Variants in DMD observed in about 807,000 individuals in gnomAD.
The protein encoded by DMD is dystrophin.
DMD carries 63 observed loss-of-function variants against 330.1 expected under a neutral mutation model. The observed-to-expected ratio is 0.19, with a 90% CI of 0.16 to 0.24. The LOEUF (loss-of-function observed/expected upper bound fraction) is 0.24, where lower values mean the gene tolerates loss of function less well. Among genes scored for constraint, DMD ranks in the 10% least tolerant of loss-of-function variants. The pLI, the probability that DMD is intolerant of heterozygous loss-of-function variation, is 1.00. For missense variants in DMD, 3,344 were observed against 2,684.1 expected (o/e 1.25, Z -5.43); for synonymous variants, 1,223 against 959.8 (o/e 1.27, Z -5.07).
chrX:32,688,178 G>A (rs373832396), intron 9 of DMD, among the ~76,000 whole-genome samples: 10 of 110,445 alleles, frequency 9.1e-5, no homozygotes, highest in Non-Finnish European at 1.9e-4. Context: ...TCTAGGAACC[G>A]ACAAATCCCA....
intron 67 of DMD, among the ~76,000 whole-genome samples, chrX:31,192,805 G>A (rs962289718): frequency 1.2e-4 from 14 of 112,047 alleles, no homozygotes; most frequent in African/African-American, 4.2e-4. Flanking sequence ...GATTTCCTAT[G>A]GGAAAAAGCA....
At chrX:33,209,340 T>C (rs2051764226) in intron 1 of DMD, among the ~76,000 whole-genome samples, 1 of 111,601 alleles carries the variant, frequency 9.0e-6, no homozygotes, top group African/African-American at 3.2e-5. Context: ...GCAGATGAAA[T>C]TCTAAAAGGT....
intron 52 of DMD, among the ~76,000 whole-genome samples, chrX:31,694,715 T>G (rs1676163493): frequency 1.0e-5 from 1 of 98,463 alleles, no homozygotes; most frequent in South Asian, 4.7e-4. Flanking sequence ...AAAATCACAA[T>G]GAGATATCAC....
chrX:32,192,712 A>G (rs1331449971), intron 44 of DMD, among the ~76,000 whole-genome samples: 2 of 111,382 alleles, frequency 1.8e-5, no homozygotes, highest in Non-Finnish European at 3.8e-5. Flanking sequence ...ATATATGTAA[A>G]CCATAATGGC....
chrX:32,485,734 CTTTTTTTTTTTTTT>C (rs5902034), intron 20 of DMD, among the ~76,000 whole-genome samples: 1 of 36,149 alleles, frequency 2.8e-5, no homozygotes, highest in Admixed American at 5.2e-4. Flanking sequence ...GCAACCACTG[CTTTTTTTTTTTTTT>C]TTTTTTTTTT....
At chrX:31,245,225 G>A (rs1051085826) in intron 63 of DMD, among the ~76,000 whole-genome samples, 5 of 111,654 alleles carry the variant, frequency 4.5e-5, no homozygotes, top group African/African-American at 1.6e-4. Flanking sequence ...TTACTTTGAG[G>A]CTTTATCTTC....
intron 60 of DMD, among the ~76,000 whole-genome samples, chrX:31,391,567 C>T (rs971465228): frequency 9.0e-6 from 1 of 110,926 alleles, no homozygotes; most frequent in Admixed American, 9.7e-5. Context: ...AATGAAAGGT[C>T]CTTGAACTAA....
chrX:32,790,771 C>T (rs1036903631), intron 7 of DMD, among the ~76,000 whole-genome samples: 15 of 111,473 alleles, frequency 1.3e-4, no homozygotes, highest in Non-Finnish European at 1.1e-4. Flanking sequence ...ACACAAGCGA[C>T]GCACAGGCTA....
intron 48 of DMD, among the ~76,000 whole-genome samples, chrX:31,845,065 T>G (rs1053287606): frequency 1.1e-5 from 1 of 87,208 alleles, no homozygotes; most frequent in Non-Finnish European, 2.1e-5. Context: ...TGTATATATA[T>G]GTATATGTGT....
At chrX:31,865,976 G>T (rs1042268363) in intron 48 of DMD, among the ~76,000 whole-genome samples, 1 of 110,779 alleles carries the variant, frequency 9.0e-6, no homozygotes, top group Non-Finnish European at 1.9e-5. Context: ...CTGATTAGAT[G>T]CTTCACCTCT....
chrX:32,528,074 C>T (rs994818676), intron 17 of DMD, among the ~76,000 whole-genome samples: 2 of 111,903 alleles, frequency 1.8e-5, no homozygotes, highest in African/African-American at 6.5e-5. Flanking sequence ...TTTGAGAGGC[C>T]GAGGCGGGCA....
At chrX:33,294,645 A>G (rs185662829) in intron 1 of DMD, among the ~76,000 whole-genome samples, 220 of 110,461 alleles carry the variant, frequency 2.0e-3, no homozygotes, top group Non-Finnish European at 3.3e-3. Flanking sequence ...CTACCGAAAA[A>G]AAAAACTTTT....
At chrX:32,184,907 T>C (rs1399141668) in intron 44 of DMD, among the ~76,000 whole-genome samples, 2 of 95,691 alleles carry the variant, frequency 2.1e-5, no homozygotes, top group Non-Finnish European at 4.1e-5. Context: ...GATCTAGAAA[T>C]AAATTCCCTT....
intron 2 of DMD, among the ~76,000 whole-genome samples, chrX:32,893,326 G>C (rs1175380784): frequency 8.9e-6 from 1 of 111,778 alleles, no homozygotes; most frequent in Non-Finnish European, 1.9e-5. Flanking sequence ...CCCGTATTTA[G>C]AGCCAGATTA....
intron 13 of DMD, among the ~76,000 whole-genome samples, chrX:32,578,783 G>A (rs1309029370): frequency 2.7e-5 from 3 of 111,188 alleles, no homozygotes; most frequent in Admixed American, 9.6e-5. Flanking sequence ...TATCCACTAA[G>A]GCGGAAACAA....
chrX:32,388,341 C>CTTTT (rs3044988), intron 32 of DMD, among the ~76,000 whole-genome samples: 36,923 of 78,523 alleles, frequency 0.47, 7,492 homozygotes, highest in East Asian at 0.74. Context: ...TTATGCTTTC[C>CTTTT]TTTTTTTTTT....
intron 13 of DMD, among the ~76,000 whole-genome samples, chrX:32,593,128 C>T (rs763706447): frequency 8.9e-6 from 1 of 112,792 alleles, no homozygotes; most frequent in East Asian, 2.8e-4. Context: ...GCAAGGAGCC[C>T]AGCGGGCACA....
At chrX:33,064,304 C>T (rs5972744) in intron 1 of DMD, among the ~76,000 whole-genome samples, 8,688 of 110,823 alleles carry the variant, frequency 0.078, 699 homozygotes, top group African/African-American at 0.24. Flanking sequence ...AAGAAATAAA[C>T]ATTTTCTATT....
At chrX:31,133,811 G>T (rs1325908111) in intron 77 of DMD, among the ~76,000 whole-genome samples, 1 of 111,620 alleles carries the variant, frequency 9.0e-6, no homozygotes, top group Non-Finnish European at 1.9e-5. Context: ...TTCAGTAAAG[G>T]GCACCTCATA....
Sources: gnomAD v4.1 joint callset for allele counts (sites outside exome capture counted in the v4.1 genomes callset) on GRCh38, gnomAD v4.1.1 for gene constraint, MANE v1.5 for transcripts, NCBI Gene and HGNC (gene_info 2026-07-23, HGNC 2026-07-21) for gene names.